AHI1: variants seen among roughly 807,000 people sequenced by gnomAD.
AHI1 encodes the protein Abelson helper integration site 1, also known as jouberin.
In AHI1, 123 loss-of-function variants were observed where a neutral mutation model predicts 149.3. That is an observed-to-expected ratio of 0.82 (90% CI 0.71 to 0.96). AHI1 has a LOEUF of 0.96. AHI1 is among the 40% of genes least tolerant of loss of function. AHI1 has a pLI of 0.00. For synonymous variants in AHI1, 475 were observed against 459.8 expected (o/e 1.03, Z -0.42); for missense variants, 1,439 against 1,422.7 (o/e 1.01, Z -0.18).
At chr6:135,301,217 G>A (rs956728462) in intron 26 of AHI1, 8 of 984,186 alleles carry the variant, frequency 8.1e-6, no homozygotes, top group African/African-American at 1.7e-5. Context: ...GCTATAAAAC[G>A]AATTGCAATT....
intron 13 of AHI1, among the ~76,000 whole-genome samples, chr6:135,444,957 A>G (rs547176759): frequency 2.0e-5 from 3 of 152,206 alleles, no homozygotes; most frequent in Non-Finnish European, 4.4e-5. Flanking sequence ...GCTGATCTGT[A>G]CAATCATCTT....
At chr6:135,309,819 A>G (rs979780981) in intron 26 of AHI1, among the ~76,000 whole-genome samples, 1 of 152,172 alleles carries the variant, frequency 6.6e-6, no homozygotes, top group African/African-American at 2.4e-5. Flanking sequence ...GTAAGGCTTC[A>G]GGTCAGTTTC....
In AHI1 at chr6:135,285,593, T is replaced by G. The variant is rs1781576672; in HGVS notation, c.*52A>C. 3.1e-6 allele frequency: 5 copies of G among 1,592,776 alleles called. No homozygotes were observed. The highest frequency in any genetic ancestry group is 1.7e-4 in the Middle Eastern group (1 of 6,028). On this transcript the variant is annotated 3_prime_UTR_variant, in exon 29 of 29. Transcript: ENST00000265602. ...CTCTGAAGAGAAATTCCATTTGGTTTGTCATTTTCACCTCTGTGCATTTCG... is the reference window on the plus strand; with the variant it reads ...CTCTGAAGAGAAATTCCATTTGGTTGGTCATTTTCACCTCTGTGCATTTCG...
At chr6:135,367,629 C>G (rs931030738) in intron 23 of AHI1, among the ~76,000 whole-genome samples, 5 of 152,026 alleles carry the variant, frequency 3.3e-5, no homozygotes, top group Non-Finnish European at 7.4e-5. Context: ...CTTTCTTTTA[C>G]TTGTTTGAGT....
At position 135,428,741 on chromosome 6, in the gene AHI1, A is replaced by G. The variant is rs774900587; in HGVS notation, c.2511T>C (p.Phe837=). The G allele has an allele frequency of 2.5e-6, 4 of 1,604,170 alleles. No homozygotes were observed. The highest frequency in any genetic ancestry group is 4.5e-5 in the East Asian group (2 of 44,610). ...TCTCCCGATAATTTGCTGCTCCTAC[A>G]AACTTCCTTGCTACTAATCTACAAG... is the stretch of plus-strand genomic sequence containing the variant. The part of the protein sequence containing the change: ...MDLRILVARK[F]VGAANYREKI... Residue 837 remains phenylalanine, a synonymous_variant, in exon 19 of 29, where the codon TTT becomes TTC. Coordinates refer to ENST00000265602, the MANE Select transcript of AHI1 (RefSeq NM_001134831.2).
chr6:135,478,979 G>C (rs1793164953), intron 5 of AHI1, among the ~76,000 whole-genome samples: 1 of 152,264 alleles, frequency 6.6e-6, no homozygotes, highest in Admixed American at 6.5e-5. Context: ...AGTCTTGGCA[G>C]CTTCCATGTG....
Position 135,323,271 on chromosome 6 carries a change from A to G in AHI1, c.3219T>C (p.His1073=). The G allele has an allele frequency of 1.2e-6, 2 of 1,613,746 alleles. No individual in the cohort carries two copies. The highest frequency in any genetic ancestry group is 1.7e-6 in the Non-Finnish European group (2 of 1,179,778). The change falls in exon 25 of 29, where the codon CAT becomes CAC. Residue 1073 remains histidine, a synonymous_variant. Coordinates refer to ENST00000265602, the MANE Select transcript of AHI1 (RefSeq NM_001134831.2). The part of the protein sequence containing the change: ...TANRSDELTI[H]RGDIIRVFFK... ...AAAACACTCGGATAATGTCTCCGCG[A>G]TGGATGGTTAGTTCATCTGATCGAT...
In AHI1 at chr6:135,429,948, T is replaced by C. The variant is rs751224614; in HGVS notation, c.2426A>G (p.His809Arg). 2.5e-6 allele frequency: 4 copies of C among 1,590,434 alleles called. No homozygotes were observed. The highest frequency in any genetic ancestry group is 1.2e-5 in the South Asian group (1 of 86,076). Residue 809 changes from histidine to arginine, a missense_variant, in exon 18 of 29, where the codon CAT becomes CGT. Coordinates refer to ENST00000265602, the MANE Select transcript of AHI1 (RefSeq NM_001134831.2). ...KGIPISYLEI[H>R]PNGKRLLIHT... is the part of the protein sequence containing the mutation. ...GATTAACAAACGTTTTCCATTGGGA[T>C]GAATCTCCAAATAACTTATTGGAAT...
chr6:135,490,626 G>A lies in AHI1; in HGVS notation c.132C>T (p.Ile44=). 1.9e-6 allele frequency: 3 copies of A among 1,613,572 alleles called. No individual in the cohort carries two copies. Among genetic ancestry groups the A allele is most frequent in the Non-Finnish European group, 2.5e-6 (3 of 1,179,700 alleles). Residue 44 remains isoleucine, a synonymous_variant, in exon 5 of 29, where the codon ATC becomes ATT. Coordinates refer to ENST00000265602, the MANE Select transcript of AHI1 (RefSeq NM_001134831.2). ...KKKLVRSEEN[I]SPDTIRSNLH... Reference sequence around the variant, plus strand: ...TACCCAATGATCATTTACTTACTGAGATGTTTTCTTCAGACCTGACAAGTT... The same window carrying A: ...TACCCAATGATCATTTACTTACTGAAATGTTTTCTTCAGACCTGACAAGTT...
At chr6:135,294,698 CAAAAAAAAAAAAAAAAAAAG>C (rs1327970263) in intron 27 of AHI1, among the ~76,000 whole-genome samples, 2 of 68,022 alleles carry the variant, frequency 2.9e-5, no homozygotes, top group Admixed American at 1.9e-4. Flanking sequence ...TCTCCAAATG[CAAAAAAAAAAAAAAAAAAAG>C]AAAAAGAAAA....
At chr6:135,437,704 T>C (rs958664656) in intron 15 of AHI1, among the ~76,000 whole-genome samples, 1 of 152,192 alleles carries the variant, frequency 6.6e-6, no homozygotes, top group African/African-American at 2.4e-5. Flanking sequence ...GAGAGAATAA[T>C]GTCTTACCTA....
At chr6:135,374,182 C>T (rs1287674169) in intron 23 of AHI1, among the ~76,000 whole-genome samples, 7 of 137,772 alleles carry the variant, frequency 5.1e-5, no homozygotes, top group East Asian at 2.2e-4. Context: ...GGCGCAATCT[C>T]GGCTTACTGC....
chr6:135,342,730 C>T (rs909415158), intron 24 of AHI1, among the ~76,000 whole-genome samples: 1 of 151,604 alleles, frequency 6.6e-6, no homozygotes, highest in Non-Finnish European at 1.5e-5. Flanking sequence ...AGTAAGAACA[C>T]AAGGAAATGT....
rs1223319739 is a variant in AHI1 at position 135,323,260 on chromosome 6, A to G, written c.3230T>C (p.Ile1077Thr). ...ATTATCTTTGAAAAACACTCGGATAATGTCTCCGCGATGGATGGTTAGTTC... is the reference window on the plus strand; with the variant it reads ...ATTATCTTTGAAAAACACTCGGATAGTGTCTCCGCGATGGATGGTTAGTTC... Reference protein sequence around the residue: ...SDELTIHRGDIIRVFFKDNED... With the variant: ...SDELTIHRGDTIRVFFKDNED... Residue 1077 changes from isoleucine (I) to threonine (T), a missense_variant, in exon 25 of 29, where the codon ATT (isoleucine) becomes ACT (threonine). Ile to Thr is a moderately conservative substitution (Grantham distance 89). Transcript: ENST00000265602. 3 of 1,613,838 alleles carry G rather than the reference A, an allele frequency of 1.9e-6. No individual in the cohort carries two copies. Among genetic ancestry groups the G allele is most frequent in the East Asian group, 4.5e-5 (2 of 44,866 alleles).
At chr6:135,293,507 AAT>A (rs1782669497) in intron 27 of AHI1, among the ~76,000 whole-genome samples, 2 of 150,244 alleles carry the variant, frequency 1.3e-5, no homozygotes, top group South Asian at 4.2e-4. Flanking sequence ...GTCTACACAG[AAT>A]ATCTCGTGGA....
chr6:135,422,172 TTTC>T (rs1289659906), intron 20 of AHI1, among the ~76,000 whole-genome samples: 1 of 152,202 alleles, frequency 6.6e-6, no homozygotes, highest in Non-Finnish European at 1.5e-5. Context: ...ATTAAATTTA[TTTC>T]TACTAGACAT....
intron 22 of AHI1, among the ~76,000 whole-genome samples, chr6:135,396,604 T>C (rs530527880): frequency 2.0e-5 from 3 of 151,998 alleles, no homozygotes; most frequent in South Asian, 4.1e-4. Context: ...TATGATGATG[T>C]AGCCAATTTT....
At position 135,335,021 on chromosome 6, in the gene AHI1, C is replaced by T. The variant is rs139692551; in HGVS notation, c.3166-11697G>A. Among the ~76,000 whole-genome samples the T allele has an allele frequency of 2.4e-3, 370 of 152,290 alleles. 4 individuals are homozygous for T. Among genetic ancestry groups the T allele is most frequent in the African/African-American group, 8.3e-3 (347 of 41,562 alleles). On this transcript the variant is annotated intron_variant, in intron 24 of 28. Coordinates refer to ENST00000265602, the MANE Select transcript of AHI1 (RefSeq NM_001134831.2). ...TGGTCTACTTTATAAGACATATATA[C>T]TTATTTCTGCACATATCAAGTAGTA...
At chr6:135,423,455 T>C (rs1010149832) in intron 20 of AHI1, among the ~76,000 whole-genome samples, 4 of 152,178 alleles carry the variant, frequency 2.6e-5, no homozygotes, top group Non-Finnish European at 5.9e-5. Context: ...TAAAGGTACA[T>C]GTTGCCCTGA....
Sources: allele counts gnomAD v4.1 joint callset (sites outside exome capture counted in the v4.1 genomes callset), GRCh38; gene constraint gnomAD v4.1.1; transcripts MANE v1.5; gene names NCBI Gene and HGNC (gene_info 2026-07-23, HGNC 2026-07-21).